Variants in TMEM132B observed in about 807,000 individuals in gnomAD.
TMEM132B encodes the protein transmembrane protein 132B.
Under a neutral mutation model 90.8 loss-of-function variants are expected in TMEM132B, and 18 were observed. That is an observed-to-expected ratio of 0.20 (90% confidence interval 0.14 to 0.29). TMEM132B has a LOEUF of 0.29. TMEM132B is among the 10% of genes least tolerant of loss of function. The probability of loss-of-function intolerance (pLI) is 1.00; values close to 1 mark genes in which losing one functional copy is unlikely to be tolerated. For missense variants in TMEM132B, 1,096 were observed against 1,326.8 expected (o/e 0.83, Z 2.70); for synonymous variants, 504 against 523.3 (o/e 0.96, Z 0.50).
chr12:125,509,333 A>G (rs1882922160), intron 3 of TMEM132B, among the ~76,000 whole-genome samples: 1 of 152,098 alleles, frequency 6.6e-6, no homozygotes, highest in Non-Finnish European at 1.5e-5. Context: ...GGTACCGTTC[A>G]CCACTTCTCT....
At chr12:125,586,543 T>G (rs1299695643) in intron 5 of TMEM132B, 2 of 152,208 alleles carry the variant, frequency 1.3e-5, no homozygotes, top group African/African-American at 4.8e-5. Flanking sequence ...CAATTCATGT[T>G]TTAAATTGTG....
chr12:125,515,565 CCA>C (rs1445571958), intron 3 of TMEM132B, among the ~76,000 whole-genome samples: 2 of 150,554 alleles, frequency 1.3e-5, no homozygotes, highest in Non-Finnish European at 1.5e-5. Flanking sequence ...AGTCTGTCTC[CCA>C]CACTCACACA....
intron 3 of TMEM132B, among the ~76,000 whole-genome samples, chr12:125,512,857 G>A (rs1249392869): frequency 6.6e-6 from 1 of 152,206 alleles, no homozygotes; most frequent in African/African-American, 2.4e-5. Flanking sequence ...TGAAAAAAAA[G>A]GTTGTATGAG....
At chr12:125,638,472 A>G (rs914660080) in intron 5 of TMEM132B, among the ~76,000 whole-genome samples, 1 of 152,232 alleles carries the variant, frequency 6.6e-6, no homozygotes, top group Non-Finnish European at 1.5e-5. Flanking sequence ...TAATACATAC[A>G]AAGTGATTCA....
chr12:125,322,180 T>C (rs996308106), intron 1 of TMEM132B, among the ~76,000 whole-genome samples: 2 of 152,014 alleles, frequency 1.3e-5, no homozygotes, highest in African/African-American at 4.8e-5. Flanking sequence ...TGGGGCTGGG[T>C]TTTTCCTGTG....
intron 3 of TMEM132B, among the ~76,000 whole-genome samples, chr12:125,422,166 CAATTTTAAAAATCAGAAAT>C (rs1437020928): frequency 6.6e-6 from 1 of 152,124 alleles, no homozygotes; most frequent in East Asian, 1.9e-4. Context: ...TAGGTGAATA[CAATTTTAAAAATCAGAAAT>C]ATTAGAACCC....
At chr12:125,508,141 G>A (rs1032032520) in intron 3 of TMEM132B, among the ~76,000 whole-genome samples, 2 of 152,012 alleles carry the variant, frequency 1.3e-5, no homozygotes, top group African/African-American at 4.8e-5. Flanking sequence ...TAATGGGGAA[G>A]ACTGCAATAA....
intron 2 of TMEM132B, among the ~76,000 whole-genome samples, chr12:125,401,094 C>T (rs1879308038): frequency 6.6e-6 from 1 of 152,202 alleles, no homozygotes; most frequent in Non-Finnish European, 1.5e-5. Flanking sequence ...GTTCTGATGC[C>T]TTCACCCCCT....
chr12:125,186,969 C>T lies in TMEM132B; in HGVS notation c.67+103C>T, dbSNP rs879711281. On this transcript the variant is annotated intron_variant, in intron 1 of 8. Transcript: ENST00000682704. This position sits in a 1 kb window ranked among gnomAD's most constrained non-coding sequence, Gnocchi z 6.3. The stretch of plus-strand genomic sequence containing the variant: ...CAAGTCCCTGGCAGCGCGCATCTCC[C>T]GGACTTGGACAGACCTGGGGAGACC... 3 of 152,204 alleles carry T rather than the reference C, an allele frequency of 2.0e-5. No homozygotes were observed. Among genetic ancestry groups the T allele is most frequent in the African/African-American group, 7.2e-5 (3 of 41,448 alleles). 9.4% of individuals were successfully genotyped at this position (152,204 alleles called of 1,614,324 possible).
chr12:125,612,286 C>A (rs1172233163), intron 5 of TMEM132B, among the ~76,000 whole-genome samples: 1 of 151,790 alleles, frequency 6.6e-6, no homozygotes, highest in Non-Finnish European at 1.5e-5. Flanking sequence ...CGAGCCTGAC[C>A]AACTTGGTGA....
chr12:125,472,095 A>G (rs1477969806), intron 3 of TMEM132B, among the ~76,000 whole-genome samples: 1 of 152,226 alleles, frequency 6.6e-6, no homozygotes, highest in Non-Finnish European at 1.5e-5. Context: ...TCCCCAAGGG[A>G]GAGAGGAGAC....
At chr12:125,636,725 G>A (rs554932475) in intron 5 of TMEM132B, among the ~76,000 whole-genome samples, 1 of 152,156 alleles carries the variant, frequency 6.6e-6, no homozygotes, top group Admixed American at 6.5e-5. Context: ...TGTCCCATAC[G>A]GGAAATAGAA....
rs554608924 is a variant in TMEM132B, at chr12:125,304,478, A to G, written c.68-44974A>G. On this transcript the variant is annotated intron_variant, in intron 1 of 8. Transcript: ENST00000682704. ...TGGATTTTGCAATGACTTCATAAAT[A>G]TAACACCCTTGAAAGATCATGAAGA... Among the ~76,000 whole-genome samples the G allele has an allele frequency of 7.2e-5, 11 of 152,330 alleles. No homozygotes were observed. In the South Asian group the frequency reaches 2.3e-3, roughly 32 times the overall value.
At chr12:125,515,065 C>T (rs1883075026) in intron 3 of TMEM132B, among the ~76,000 whole-genome samples, 1 of 152,176 alleles carries the variant, frequency 6.6e-6, no homozygotes, top group Non-Finnish European at 1.5e-5. Context: ...GGTGTGTGCT[C>T]TAGCTTGAGG....
intron 5 of TMEM132B, among the ~76,000 whole-genome samples, chr12:125,637,980 T>C (rs145012326): frequency 1.3e-5 from 2 of 152,330 alleles, no homozygotes; most frequent in Non-Finnish European, 2.9e-5. Flanking sequence ...TTTAAATGGA[T>C]ACACTGTATT....
intron 1 of TMEM132B, among the ~76,000 whole-genome samples, chr12:125,202,943 T>C (rs1314708952): frequency 6.6e-6 from 1 of 152,170 alleles, no homozygotes; most frequent in African/African-American, 2.4e-5. Flanking sequence ...TTTTTCTTAA[T>C]TGGGTTTCTT....
At chr12:125,488,819 A>C (rs1882276733) in intron 3 of TMEM132B, among the ~76,000 whole-genome samples, 1 of 152,200 alleles carries the variant, frequency 6.6e-6, no homozygotes, top group African/African-American at 2.4e-5. Flanking sequence ...ACCTATGGCA[A>C]ACTGCCGGAT....
intron 3 of TMEM132B, among the ~76,000 whole-genome samples, chr12:125,434,507 A>C (rs1880641044): frequency 1.1e-5 from 1 of 94,502 alleles, no homozygotes; most frequent in Non-Finnish European, 2.0e-5. Context: ...CCATGGTGGG[A>C]GATTAGAGGG....
chr12:125,285,598 T>G (rs968732423), intron 1 of TMEM132B, among the ~76,000 whole-genome samples: 2 of 152,208 alleles, frequency 1.3e-5, no homozygotes, highest in Non-Finnish European at 1.5e-5. Context: ...TTTCCCAAAG[T>G]GAGTCAGACC....
Sources: gnomAD v4.1 joint callset for allele counts (sites outside exome capture counted in the v4.1 genomes callset) on GRCh38, gnomAD v4.1.1 for gene constraint, Gnocchi (gnomAD v3.1) non-coding constraint, MANE v1.5 for transcripts, NCBI Gene and HGNC (gene_info 2026-07-23, HGNC 2026-07-21) for gene names.